The following ADGRL3 variants were observed in gnomAD, a reference collection of about 807,000 sequenced individuals.
ADGRL3 encodes adhesion G protein-coupled receptor L3.
In ADGRL3, 62 loss-of-function variants were observed where a neutral mutation model predicts 153.5. That is an observed-to-expected ratio of 0.40 (90% CI 0.33 to 0.50). ADGRL3 has a LOEUF of 0.50. Ranked by LOEUF, ADGRL3 falls within the 20% of genes least tolerant of loss-of-function variation. ADGRL3 has a pLI of 0.47. For synonymous variants in ADGRL3, 710 were observed against 672.5 expected (o/e 1.06, Z -0.86); for missense variants, 1,641 against 1,859.4 (o/e 0.88, Z 2.16).
intron 9 of ADGRL3, among the ~76,000 whole-genome samples, chr4:61,814,229 T>C (rs2097663091): frequency 6.6e-6 from 1 of 151,356 alleles, no homozygotes; most frequent in African/African-American, 2.4e-5. Context: ...CTATCTTATT[T>C]TTTTTTTTTT....
intron 2 of ADGRL3, among the ~76,000 whole-genome samples, chr4:61,481,262 A>G (rs567742614): frequency 2.0e-5 from 3 of 152,324 alleles, no homozygotes; most frequent in South Asian, 4.1e-4. Flanking sequence ...ATAGAACAGA[A>G]TAAAAAGTAA....
intron 1 of ADGRL3, among the ~76,000 whole-genome samples, chr4:61,244,392 C>T (rs1322454491): frequency 6.6e-6 from 1 of 151,880 alleles, no homozygotes; most frequent in Non-Finnish European, 1.5e-5. Flanking sequence ...TTTTCTTTCT[C>T]CATAAGGCCT....
intron 1 of ADGRL3, among the ~76,000 whole-genome samples, chr4:61,358,098 C>T (rs1245569647): frequency 2.0e-5 from 3 of 152,052 alleles, no homozygotes; most frequent in Non-Finnish European, 4.4e-5. Flanking sequence ...ACCATTTTAC[C>T]AAAGCTGTTG....
intron 6 of ADGRL3, among the ~76,000 whole-genome samples, chr4:61,715,724 T>G (rs1417188466): frequency 6.6e-6 from 1 of 152,030 alleles, no homozygotes; most frequent in Non-Finnish European, 1.5e-5. Flanking sequence ...TGATAAACAT[T>G]TATTATTTTC....
At chr4:61,485,069 TG>T (rs1046378074) in intron 2 of ADGRL3, among the ~76,000 whole-genome samples, 2 of 152,226 alleles carry the variant, frequency 1.3e-5, no homozygotes, top group African/African-American at 4.8e-5. Context: ...AACTCTCCCT[TG>T]GCAGTAATTG....
intron 3 of ADGRL3, among the ~76,000 whole-genome samples, chr4:61,509,976 G>A (rs1325529891): frequency 6.6e-6 from 1 of 152,068 alleles, no homozygotes; most frequent in Admixed American, 6.6e-5. Context: ...GGTGTGAGAT[G>A]GTATCTCATT....
chr4:61,579,172 A>G lies in ADGRL3; in HGVS notation c.260-8055A>G, dbSNP rs76943535. Among the ~76,000 whole-genome samples the G allele has an allele frequency of 8.8e-3, 1,333 of 152,228 alleles. 24 individuals are homozygous for G. The highest frequency in any genetic ancestry group is 0.03 in the African/African-American group (1,252 of 41,564). ...CTAATGTGAAGGGAGACTTCAGATG[A>G]CACCCATGTCTTATGTGTAATAATT... On this transcript the variant is annotated intron_variant, in intron 4 of 26. Transcript: ENST00000683033.
intron 5 of ADGRL3, among the ~76,000 whole-genome samples, chr4:61,625,184 G>C (rs941502114): frequency 6.6e-6 from 1 of 151,908 alleles, no homozygotes; most frequent in African/African-American, 2.4e-5. Context: ...TATTTATTTA[G>C]TGCTTGGTGT....
chr4:61,236,072 C>G (rs1306105715), intron 1 of ADGRL3, among the ~76,000 whole-genome samples: 3 of 130,660 alleles, frequency 2.3e-5, no homozygotes, highest in Non-Finnish European at 4.6e-5. Context: ...TGCAGTGGCT[C>G]TATCTCAGCT....
At chr4:61,982,008 GC>G (rs1442476143) in intron 18 of ADGRL3, among the ~76,000 whole-genome samples, 6 of 152,090 alleles carry the variant, frequency 3.9e-5, no homozygotes, top group African/African-American at 1.4e-4. Flanking sequence ...AAAAAGTAAA[GC>G]CTTATGATAA....
intron 2 of ADGRL3, among the ~76,000 whole-genome samples, chr4:61,430,209 TATTTCTAA>T (rs752036494): frequency 1.3e-5 from 2 of 152,142 alleles, no homozygotes; most frequent in Non-Finnish European, 2.9e-5. Context: ...TATGGCTACA[TATTTCTAA>T]ATGTAAATGG....
intron 1 of ADGRL3, among the ~76,000 whole-genome samples, chr4:61,306,820 T>A (rs1256953934): frequency 1.3e-5 from 2 of 152,204 alleles, no homozygotes; most frequent in African/African-American, 4.8e-5. Context: ...CCTATTTCAG[T>A]CAATTCATCA....
At chr4:61,884,143 G>C (rs906377578) in intron 9 of ADGRL3, among the ~76,000 whole-genome samples, 7 of 152,168 alleles carry the variant, frequency 4.6e-5, no homozygotes, top group African/African-American at 1.7e-4. Flanking sequence ...TAATCTTATA[G>C]TTCCCAGAGC....
intron 1 of ADGRL3, among the ~76,000 whole-genome samples, chr4:61,262,415 A>G (rs1448780476): frequency 1.3e-5 from 2 of 152,046 alleles, no homozygotes; most frequent in African/African-American, 4.8e-5. Context: ...TTATGGTTTT[A>G]CCAGAAAAAA....
chr4:61,521,540 AG>A (rs2098531062), intron 4 of ADGRL3, among the ~76,000 whole-genome samples: 1 of 152,144 alleles, frequency 6.6e-6, no homozygotes, highest in South Asian at 2.1e-4. Flanking sequence ...AGACCAATGG[AG>A]TGTTCATCAT....
intron 1 of ADGRL3, among the ~76,000 whole-genome samples, chr4:61,327,379 G>C (rs1435914881): frequency 6.6e-6 from 1 of 150,542 alleles, no homozygotes; most frequent in South Asian, 2.1e-4. Flanking sequence ...TTCCTGTAAA[G>C]TATGCTCCTA....
chr4:61,483,055 G>A (rs1260785347), intron 2 of ADGRL3, among the ~76,000 whole-genome samples: 1 of 152,132 alleles, frequency 6.6e-6, no homozygotes, highest in African/African-American at 2.4e-5. Flanking sequence ...GCAGTGTAAA[G>A]AATTCTAAGT....
At chr4:61,631,157 A>C (rs2093142443) in intron 5 of ADGRL3, among the ~76,000 whole-genome samples, 1 of 152,098 alleles carries the variant, frequency 6.6e-6, no homozygotes, top group African/African-American at 2.4e-5. Flanking sequence ...TGTTATGTCT[A>C]ATGAATTTGC....
At chr4:61,701,430 A>ATTT (rs71664995) in intron 6 of ADGRL3, among the ~76,000 whole-genome samples, 26,817 of 105,122 alleles carry the variant, frequency 0.26, 3,924 homozygotes, top group Non-Finnish European at 0.28. Context: ...TAAAGGTACA[A>ATTT]TTTTTTTTTT....
Sources: allele counts gnomAD v4.1 joint callset (sites outside exome capture counted in the v4.1 genomes callset), GRCh38; gene constraint gnomAD v4.1.1; transcripts MANE v1.5; gene names NCBI Gene and HGNC (gene_info 2026-07-23, HGNC 2026-07-21).